The following USP40 variants were observed in gnomAD, a reference collection of about 807,000 sequenced individuals.
The protein encoded by USP40 is ubiquitin carboxyl-terminal hydrolase 40.
In USP40, 143 loss-of-function variants were observed where a neutral mutation model predicts 166.2. The observed-to-expected ratio is 0.86, with a 90% CI of 0.75 to 0.99. The LOEUF (loss-of-function observed/expected upper bound fraction) is 0.99. Ranked by LOEUF, USP40 falls within the 50% of genes least tolerant of loss-of-function variation. The probability of loss-of-function intolerance (pLI) is 0.00; values close to 1 mark genes in which losing one functional copy is unlikely to be tolerated. For missense variants in USP40, 1,444 were observed against 1,479.7 expected (o/e 0.98, Z 0.40); for synonymous variants, 498 against 524.0 (o/e 0.95, Z 0.68).
intron 25 of USP40, among the ~76,000 whole-genome samples, chr2:233,491,944 A>C (rs2065376880): frequency 6.6e-6 from 1 of 152,254 alleles, no homozygotes. Flanking sequence ...AATGCATAGC[A>C]AGAAATTACA....
chr2:233,553,810 T>C (rs1471251546), intron 6 of USP40, among the ~76,000 whole-genome samples: 1 of 149,020 alleles, frequency 6.7e-6, no homozygotes, highest in African/African-American at 2.4e-5. Context: ...AGCTCTCACA[T>C]GGCAAAAGAT....
In USP40 at chr2:233,511,693, G is replaced by A. The variant is rs138196688; in HGVS notation, c.2526+16C>T. The A allele has an allele frequency of 2.5e-6, 4 of 1,601,306 alleles. No homozygotes were observed. The African/African-American group carries it at 4.0e-5, about 16-fold the overall frequency. The stretch of plus-strand genomic sequence containing the variant: ...GAAGGGTTGATTTTGTTTTGAAACA[G>A]GTGACCTTATTTTACCTGAGACGAA... On this transcript the variant is annotated intron_variant, in intron 20 of 31. Coordinates refer to ENST00000678225, the MANE Select transcript of USP40 (RefSeq NM_001365479.2).
At chr2:233,545,760 G>A (rs1171173608) in intron 8 of USP40, 1 of 225,586 alleles carries the variant, frequency 4.4e-6, no homozygotes, top group Non-Finnish European at 9.3e-6. Context: ...CTCCTTCAAA[G>A]GGAAGAAGTA....
intron 5 of USP40, among the ~76,000 whole-genome samples, chr2:233,555,942 G>A (rs377114171): frequency 6.0e-4 from 91 of 151,586 alleles, no homozygotes; most frequent in Non-Finnish European, 4.4e-4. Context: ...GTGAAACCCC[G>A]TCTCTACTAA....
intron 21 of USP40, among the ~76,000 whole-genome samples, chr2:233,503,334 T>C (rs2125120787): frequency 1.3e-5 from 2 of 152,180 alleles, no homozygotes; most frequent in South Asian, 4.2e-4. Flanking sequence ...GGAGAATAAA[T>C]GACAAAAGAC....
rs554424201 is a variant in USP40 at position 233,493,384 on chromosome 2, T to C, written c.2917+41A>G. On this transcript the variant is annotated intron_variant, in intron 25 of 31. Coordinates refer to ENST00000678225, the MANE Select transcript of USP40 (RefSeq NM_001365479.2). The surrounding 1 kb of genome is among the most constrained non-coding windows in gnomAD (Gnocchi z 4.7). ...AGCACAGGCAGTCAATTTACTTCTC[T>C]TTATGATGCACTGGCTGCTGAAATC... The C allele has an allele frequency of 1.2e-6, 2 of 1,613,852 alleles. No homozygotes were observed. The highest frequency in any genetic ancestry group is 1.6e-4 in the Middle Eastern group (1 of 6,062).
Position 233,510,093 on chromosome 2 carries a change from T to C in USP40, c.2569A>G (p.Thr857Ala). The C allele has an allele frequency of 6.2e-7, 1 of 1,604,342 alleles. No homozygotes were observed. The highest frequency in any genetic ancestry group is 8.5e-7 in the Non-Finnish European group (1 of 1,174,978). Residue 857 changes from threonine to alanine, a missense_variant, in exon 21 of 32, where the codon ACA becomes GCA. Thr to Ala is a moderately conservative substitution (Grantham distance 58). Coordinates refer to ENST00000678225, the MANE Select transcript of USP40 (RefSeq NM_001365479.2). ...TCTTCTACTACGATTTCCATTTCTGTCCCAGGTTGAACGTCACTCCCCATT... is the reference window on the plus strand; with the variant it reads ...TCTTCTACTACGATTTCCATTTCTGCCCCAGGTTGAACGTCACTCCCCATT... ...FAMGSDVQPG[T>A]EMEIVVEETI...
At chr2:233,562,707 A>C (rs912116895) in intron 3 of USP40, 29 bp downstream of exon 3, 1 of 1,426,388 alleles carries the variant, frequency 7.0e-7, no homozygotes, top group East Asian at 2.7e-5. Flanking sequence ...CTAAAACTTA[A>C]AGTATAATAA....
In USP40 at chr2:233,533,541, T is replaced by G. The variant is rs2068708403; in HGVS notation, c.1409A>C (p.Gln470Pro). 6.2e-7 allele frequency: 1 copy of G among 1,613,768 alleles called. No individual in the cohort carries two copies. Among genetic ancestry groups the G allele is most frequent in the Admixed American group, 1.7e-5 (1 of 59,984 alleles). ...CAACATGTAGGCACTTTCTTTACCC[T>G]GAAATTGCTGTTCAATATCCTTTTC... Reference protein sequence around the residue: ...IREKDIEQQFQGKESAYMLFY... With the variant: ...IREKDIEQQFPGKESAYMLFY... The change falls in exon 11 of 32, where the codon CAG (glutamine) becomes CCG (proline). Residue 470 changes from glutamine to proline, a missense_variant. Transcript: ENST00000678225.
intron 16 of USP40, among the ~76,000 whole-genome samples, chr2:233,522,300 C>T (rs2067712718): frequency 6.6e-6 from 1 of 152,174 alleles, no homozygotes; most frequent in Admixed American, 6.5e-5. Context: ...CTTCTGTCTT[C>T]ACTTTTGTAT....
At chr2:233,511,116 C>T (rs1197324223) in intron 20 of USP40, among the ~76,000 whole-genome samples, 3 of 152,116 alleles carry the variant, frequency 2.0e-5, no homozygotes, top group African/African-American at 7.2e-5. Context: ...TAAGAATATC[C>T]TTATGATTTC....
chr2:233,533,332 C>T (rs1241265757), intron 11 of USP40, 147 bp downstream of exon 11: 34 of 759,280 alleles, frequency 4.5e-5, no homozygotes, highest in Non-Finnish European at 6.6e-5. Context: ...TTTCATTTGG[C>T]ATAATATAGT....
intron 22 of USP40, 143 bp downstream of exon 22, chr2:233,499,736 A>AT: frequency 9.6e-6 from 6 of 622,252 alleles, no homozygotes; most frequent in Non-Finnish European, 1.7e-5. Context: ...AGGAGAATTC[A>AT]TTATGTACAT....
intron 21 of USP40, among the ~76,000 whole-genome samples, chr2:233,502,472 A>G (rs116880846): frequency 0.013 from 1,935 of 152,276 alleles, 39 homozygotes; most frequent in East Asian, 0.084. Flanking sequence ...ATTTTCTTTG[A>G]GTGTCATGTC....
chr2:233,489,517 T>G (rs1200127989), intron 26 of USP40, 34 bp from the exon 27 acceptor site: 1 of 1,528,012 alleles, frequency 6.5e-7, no homozygotes, highest in African/African-American at 1.4e-5. Flanking sequence ...TCCAACGGTT[T>G]TAAAAAGCAC....
rs530849075 is a variant in USP40 at position 233,480,424 on chromosome 2, C to T, written c.3599+779G>A. Among the ~76,000 whole-genome samples, 86 of 152,288 alleles carry T rather than the reference C, an allele frequency of 5.6e-4. No individual in the cohort carries two copies. Among genetic ancestry groups the T allele is most frequent in the African/African-American group, 2.0e-3 (84 of 41,564 alleles). On this transcript the variant is annotated intron_variant, in intron 31 of 31. Coordinates refer to ENST00000678225, the MANE Select transcript of USP40 (RefSeq NM_001365479.2). The surrounding 1 kb of genome is among the most constrained non-coding windows in gnomAD (Gnocchi z 4.5). ...GGTGAGGCCTGCATGGAGCTGATGC[C>T]ACGGGCAGGTCCTGGGACTTGTGGT...
chr2:233,551,394 G>C lies in USP40; in HGVS notation c.819C>G (p.Leu273=). ...TTCAAACCTGTTCACAAAAGGGCTT[G>C]AGATTAATCCGGAGAGGGAATGTAT... is the stretch of plus-strand genomic sequence containing the variant. The part of the protein sequence containing the change: ...SCYTFPLRIN[L]KPFCEQSELD... The change falls in exon 7 of 32, where the codon CTC becomes CTG. Residue 273 remains leucine, a synonymous_variant. Transcript: ENST00000678225. The C allele has an allele frequency of 6.2e-7, 1 of 1,606,216 alleles. No homozygotes were observed. The highest frequency in any genetic ancestry group is 8.5e-7 in the Non-Finnish European group (1 of 1,177,682).
At chr2:233,485,106 GT>G (rs1280303571) in intron 30 of USP40, among the ~76,000 whole-genome samples, 2 of 152,092 alleles carry the variant, frequency 1.3e-5, no homozygotes, top group African/African-American at 4.8e-5. Flanking sequence ...TTAATAATAA[GT>G]TTTATTTTAT....
intron 7 of USP40, among the ~76,000 whole-genome samples, chr2:233,550,480 A>G (rs1248328875): frequency 2.6e-5 from 4 of 151,564 alleles, no homozygotes; most frequent in African/African-American, 9.7e-5. Flanking sequence ...AGAACCTTTG[A>G]GTGGTAATTC....
Sources: allele counts gnomAD v4.1 joint callset (sites outside exome capture counted in the v4.1 genomes callset), GRCh38; gene constraint gnomAD v4.1.1; non-coding constraint Gnocchi (gnomAD v3.1); transcripts MANE v1.5; gene names NCBI Gene and HGNC (gene_info 2026-07-23, HGNC 2026-07-21).